PDE7A: variants seen among roughly 807,000 people sequenced by gnomAD.
PDE7A encodes the protein high affinity 3',5'-cyclic-AMP phosphodiesterase 7A.
In PDE7A, 39 loss-of-function variants were observed where a neutral mutation model predicts 64.3. The observed-to-expected ratio is 0.61, with a 90% CI of 0.47 to 0.79. The LOEUF is 0.79. Among genes scored for constraint, PDE7A ranks in the 30% least tolerant of loss-of-function variants. The pLI is 0.00. For synonymous variants in PDE7A, 203 were observed against 206.8 expected (o/e 0.98, Z 0.16); for missense variants, 470 against 582.8 (o/e 0.81, Z 1.99).
rs1806100403 is a variant in PDE7A at position 65,715,537 on chromosome 8, C to T, written c.*3753G>A. Among the ~76,000 whole-genome samples, 1 of 151,670 alleles carries T rather than the reference C, an allele frequency of 6.6e-6. No individual in the cohort carries two copies. The highest frequency in any genetic ancestry group is 1.5e-5 in the Non-Finnish European group (1 of 67,910). On this transcript the variant is annotated 3_prime_UTR_variant, in exon 13 of 13. Coordinates refer to ENST00000401827, the MANE Select transcript of PDE7A (RefSeq NM_001242318.3). ...GGATTACAGGAATGCGCCACCACGC[C>T]CAGCTAATTTTTGCATTTTTAGTAG...
In PDE7A at chr8:65,718,066, C is replaced by T. The variant is rs1806212380; in HGVS notation, c.*1224G>A. Reference sequence around the variant, plus strand: ...CAAAGGGAGGGACAAGAAAACAATGCACTTTTTTCAAATCAAAACAAGAAG... The same window carrying T: ...CAAAGGGAGGGACAAGAAAACAATGTACTTTTTTCAAATCAAAACAAGAAG... On this transcript the variant is annotated 3_prime_UTR_variant, in exon 13 of 13. Coordinates refer to ENST00000401827, the MANE Select transcript of PDE7A (RefSeq NM_001242318.3). 6.6e-6 allele frequency: 1 copy of T among 152,230 alleles called. No individual in the cohort carries two copies. 9.4% of individuals were successfully genotyped at this position (152,230 alleles called of 1,614,324 possible). A position where few individuals can be genotyped will look rare whatever the true frequency, so the allele number is the denominator to read the frequency against.
At chr8:65,841,207 C>A (rs1405399584) in intron 1 of PDE7A, among the ~76,000 whole-genome samples, 164 bp downstream of exon 1, 1 of 152,066 alleles carries the variant, frequency 6.6e-6, no homozygotes, top group East Asian at 1.9e-4. Flanking sequence ...GGGGGGACAG[C>A]CAGGAATATT....
rs1381851838 is a variant in PDE7A at position 65,727,434 on chromosome 8, T to C, written c.697-133A>G. ...CCCCTTCACGTCATTCCTCAGGTGGTTGTTCATTAGGTTCACCAAGCACAT... is the reference window on the plus strand; with the variant it reads ...CCCCTTCACGTCATTCCTCAGGTGGCTGTTCATTAGGTTCACCAAGCACAT... On this transcript the variant is annotated intron_variant, in intron 7 of 12. Coordinates refer to ENST00000401827, the MANE Select transcript of PDE7A (RefSeq NM_001242318.3). 8 of 1,316,988 alleles carry C rather than the reference T, an allele frequency of 6.1e-6. No homozygotes were observed. The Admixed American group carries it at 1.4e-4, about 24-fold the overall frequency. 81.6% of individuals were successfully genotyped at this position (1,316,988 alleles called of 1,614,324 possible).
intron 3 of PDE7A, among the ~76,000 whole-genome samples, chr8:65,774,244 T>C (rs1300285878): frequency 6.6e-6 from 1 of 152,246 alleles, no homozygotes. Context: ...AGTATTACTC[T>C]TTCGTGCTGT....
At chr8:65,736,786 A>G (rs1188114783) in intron 6 of PDE7A, among the ~76,000 whole-genome samples, 6 of 113,022 alleles carry the variant, frequency 5.3e-5, no homozygotes, top group Middle Eastern at 5.7e-3. Flanking sequence ...TAATAAATTT[A>G]TCTGTTTTTT....
chr8:65,802,261 C>T (rs1554569473), intron 1 of PDE7A, among the ~76,000 whole-genome samples: 2 of 152,174 alleles, frequency 1.3e-5, no homozygotes, highest in Non-Finnish European at 2.9e-5. Flanking sequence ...TAATGGTGAT[C>T]ACTGCACAAC....
At chr8:65,774,464 T>C (rs938545199) in intron 3 of PDE7A, among the ~76,000 whole-genome samples, 5 of 152,102 alleles carry the variant, frequency 3.3e-5, no homozygotes, top group African/African-American at 1.2e-4. Flanking sequence ...CCCTCAGGCT[T>C]TTAGAGAGAT....
At chr8:65,796,001 T>C (rs923119409) in intron 1 of PDE7A, among the ~76,000 whole-genome samples, 2 of 151,418 alleles carry the variant, frequency 1.3e-5, no homozygotes, top group Non-Finnish European at 2.9e-5. Flanking sequence ...ATACAGTATC[T>C]ATGCTAAGAA....
chr8:65,730,196 T>TTTC (rs1159966018), intron 7 of PDE7A, among the ~76,000 whole-genome samples: 2 of 118,882 alleles, frequency 1.7e-5, no homozygotes, highest in African/African-American at 6.9e-5. Context: ...TTTTTTTTTT[T>TTTC]TGAGATGGAG....
chr8:65,837,477 A>C (rs1402172689), intron 1 of PDE7A, among the ~76,000 whole-genome samples: 1 of 152,216 alleles, frequency 6.6e-6, no homozygotes, highest in Non-Finnish European at 1.5e-5. Flanking sequence ...CCCAAGTCTA[A>C]ACACAAAGTT....
Position 65,714,889 on chromosome 8 carries a change from T to C in PDE7A, c.*4401A>G, listed in dbSNP as rs556107521. ...CAAATATATTTGTTTGCAAAGGACA[T>C]AAAATATGATTTTTACTTTTATACA... On this transcript the variant is annotated 3_prime_UTR_variant, in exon 13 of 13. Transcript: ENST00000401827. 6.7e-6 allele frequency: 1 copy of C among 148,928 alleles called. No homozygotes were observed. Among genetic ancestry groups the C allele is most frequent in the East Asian group, 1.9e-4 (1 of 5,186 alleles). The allele number at this position is 148,928 out of a possible 1,614,324, so 9.2% of individuals were successfully genotyped here.
chr8:65,810,165 C>T (rs1440662344), intron 1 of PDE7A, among the ~76,000 whole-genome samples: 1 of 152,066 alleles, frequency 6.6e-6, no homozygotes, highest in Non-Finnish European at 1.5e-5. Flanking sequence ...TACTATGCAG[C>T]CACAAAAAAG....
intron 3 of PDE7A, among the ~76,000 whole-genome samples, chr8:65,757,685 C>G (rs1808300895): frequency 6.6e-6 from 1 of 152,186 alleles, no homozygotes; most frequent in Admixed American, 6.5e-5. Flanking sequence ...GTGGCATGAT[C>G]TGGGCTCACT....
At chr8:65,839,592 A>G (rs1321345818) in intron 1 of PDE7A, among the ~76,000 whole-genome samples, 1 of 152,234 alleles carries the variant, frequency 6.6e-6, no homozygotes, top group Non-Finnish European at 1.5e-5. Flanking sequence ...CCAAAGTTTA[A>G]GAAGTTCCTG....
intron 3 of PDE7A, among the ~76,000 whole-genome samples, chr8:65,767,322 G>A (rs1002743367): frequency 6.6e-6 from 1 of 152,196 alleles, no homozygotes. Context: ...CATGACCAGA[G>A]ACTGTGCTTT....
intron 1 of PDE7A, among the ~76,000 whole-genome samples, chr8:65,809,095 C>T (rs1388427060): frequency 6.6e-6 from 1 of 152,130 alleles, no homozygotes; most frequent in African/African-American, 2.4e-5. Context: ...CCTTATTAGC[C>T]ATGTGACCTC....
At chr8:65,840,041 AT>A (rs1291201855) in intron 1 of PDE7A, among the ~76,000 whole-genome samples, 2 of 152,224 alleles carry the variant, frequency 1.3e-5, no homozygotes, top group Non-Finnish European at 2.9e-5. Flanking sequence ...AACTACTACT[AT>A]TAAAAACCTT....
intron 3 of PDE7A, among the ~76,000 whole-genome samples, chr8:65,765,002 G>A (rs936411966): frequency 2.6e-5 from 4 of 152,188 alleles, no homozygotes; most frequent in African/African-American, 7.2e-5. Flanking sequence ...CACAGCCATA[G>A]TCAATTCAAT....
rs921289444 is a variant in PDE7A at position 65,714,786 on chromosome 8, A to G, written c.*4504T>C. Reference sequence around the variant, plus strand: ...GAAAATAGAAAGTTTAATAAAAACCAAGAAAGCATTTTGGAAAAAAAGATC... The same window carrying G: ...GAAAATAGAAAGTTTAATAAAAACCGAGAAAGCATTTTGGAAAAAAAGATC... On this transcript the variant is annotated 3_prime_UTR_variant, in exon 13 of 13. Transcript: ENST00000401827. 2 of 152,256 alleles carry G rather than the reference A, an allele frequency of 1.3e-5. No individual in the cohort carries two copies. The highest frequency in any genetic ancestry group is 4.8e-5 in the African/African-American group (2 of 41,466). The allele number at this position is 152,256 out of a possible 1,614,324, so 9.4% of individuals were successfully genotyped here. A position where few individuals can be genotyped will look rare whatever the true frequency, so the allele number is the denominator to read the frequency against.
Sources: gnomAD v4.1 joint callset for allele counts (sites outside exome capture counted in the v4.1 genomes callset) on GRCh38, gnomAD v4.1.1 for gene constraint, MANE v1.5 for transcripts, NCBI Gene and HGNC (gene_info 2026-07-23, HGNC 2026-07-21) for gene names.